Variants in PCSK7 observed in about 807,000 individuals in gnomAD.
The protein encoded by PCSK7 is proprotein convertase subtilisin/kexin type 7.
Under a neutral mutation model 73.3 loss-of-function variants are expected in PCSK7, and 38 were observed. That is an observed-to-expected ratio of 0.52 (90% confidence interval 0.40 to 0.68). PCSK7 has a LOEUF of 0.68. Ranked by LOEUF, PCSK7 falls within the 30% of genes least tolerant of loss-of-function variation. The pLI, the probability that PCSK7 is intolerant of heterozygous loss-of-function variation, is 0.00. For synonymous variants in PCSK7, 296 were observed against 383.8 expected (o/e 0.77, Z 2.68); for missense variants, 692 against 991.5 (o/e 0.70, Z 4.06).
chr11:117,223,397 T>C, intron 8 of PCSK7, 89 bp from the exon 9 acceptor site: 1 of 804,002 alleles, frequency 1.2e-6, no homozygotes, highest in Non-Finnish European at 2.2e-6. Context: ...GGAGTTACCA[T>C]CCTGGGGGGC....
chr11:117,230,576 A>G (rs1178419578), intron 1 of PCSK7, 108 bp from the exon 2 acceptor site: 1 of 152,242 alleles, frequency 6.6e-6, no homozygotes, highest in Non-Finnish European at 1.5e-5. Flanking sequence ...ATTAATTGTC[A>G]TTTCCAAAGA....
intron 12 of PCSK7, chr11:117,215,062 T>A (rs1420542495): frequency 6.6e-6 from 1 of 152,164 alleles, no homozygotes; most frequent in Non-Finnish European, 1.5e-5. Context: ...CATAACCTCC[T>A]GTCAGCGGGG....
intron 12 of PCSK7, chr11:117,210,615 C>G (rs1302139188): frequency 6.6e-6 from 1 of 152,126 alleles, no homozygotes; most frequent in African/African-American, 2.4e-5. Flanking sequence ...CCTCAGCCTC[C>G]GAAAGTGCTG....
intron 2 of PCSK7, chr11:117,230,070 A>T (rs2032585356): frequency 2.1e-6 from 1 of 474,200 alleles, no homozygotes; most frequent in Non-Finnish European, 3.7e-6. Context: ...CACTAACACC[A>T]GCGGATGGCC....
Position 117,204,362 on chromosome 11 carries a change from C to G in PCSK7, c.*1635G>C, listed in dbSNP as rs765543678. On this transcript the variant is annotated 3_prime_UTR_variant, in exon 17 of 17. Transcript: ENST00000320934. ...GACCTCGGCAGATCATCAGTTAGAGCGGAGAGGGCTAGCCCTGAGCCCGGC... is the reference window on the plus strand; with the variant it reads ...GACCTCGGCAGATCATCAGTTAGAGGGGAGAGGGCTAGCCCTGAGCCCGGC... 1 of 1,614,216 alleles carries G rather than the reference C, an allele frequency of 6.2e-7. No individual in the cohort carries two copies. Among genetic ancestry groups the G allele is most frequent in the Non-Finnish European group, 8.5e-7 (1 of 1,180,032 alleles).
rs181635759 is a variant in PCSK7, at chr11:117,219,530, C to T, written c.1323+61G>A. On this transcript the variant is annotated intron_variant, in intron 10 of 16. Coordinates refer to ENST00000320934, the MANE Select transcript of PCSK7 (RefSeq NM_004716.4). ...TGGGACATTGAGAATCTAAGGCCACCTGATACCCGAACTCTGGAGCAGGCT... is the reference window on the plus strand; with the variant it reads ...TGGGACATTGAGAATCTAAGGCCACTTGATACCCGAACTCTGGAGCAGGCT... 7.6e-5 allele frequency: 115 copies of T among 1,512,386 alleles called. No homozygotes were observed. In the Middle Eastern group the frequency reaches 1.2e-3, roughly 15 times the overall value. 93.7% of individuals were successfully genotyped at this position (1,512,386 alleles called of 1,614,324 possible).
chr11:117,228,721 C>A (rs538795303), intron 3 of PCSK7, among the ~76,000 whole-genome samples: 1 of 151,286 alleles, frequency 6.6e-6, no homozygotes, highest in Non-Finnish European at 1.5e-5. Context: ...CCCGGATTCA[C>A]GCCATTCTCC....
At chr11:117,210,871 G>A (rs1425027527) in intron 12 of PCSK7, 1 of 152,208 alleles carries the variant, frequency 6.6e-6, no homozygotes, top group Non-Finnish European at 1.5e-5. Context: ...AGGAGGTTGA[G>A]GCTGCAGTGA....
At chr11:117,206,925 T>C (rs1325123757) in intron 15 of PCSK7, 127 bp from the exon 16 acceptor site, 3 of 959,312 alleles carry the variant, frequency 3.1e-6, no homozygotes, top group African/African-American at 3.3e-5. Context: ...AGGCCCAGAC[T>C]GTGAGTTCCC....
rs759719489 is a variant in PCSK7, at chr11:117,219,650, C to T, written c.1264G>A (p.Val422Met). 1.9e-6 allele frequency: 3 copies of T among 1,612,742 alleles called. No homozygotes were observed. Among genetic ancestry groups the T allele is most frequent in the Non-Finnish European group, 2.5e-6 (3 of 1,179,534 alleles). The change falls in exon 10 of 17, where the codon GTG (valine) becomes ATG (methionine). Residue 422 changes from valine to methionine, a missense_variant. By Grantham distance (21) the Val-to-Met change is conservative. This residue lies in a region of PCSK7 where 574 missense variants were observed against 689.8 expected (regional missense o/e 0.83). Coordinates refer to ENST00000320934, the MANE Select transcript of PCSK7 (RefSeq NM_004716.4). Reference sequence around the variant, plus strand: ...TCACGCCACGTGAGGCAGGGCCGCACCTGCAGCATTAAGGCTATCATGCCA... The same window carrying T: ...TCACGCCACGTGAGGCAGGGCCGCATCTGCAGCATTAAGGCTATCATGCCA... ...AAGMIALMLQ[V>M]RPCLTWRDVQ... is the part of the protein sequence containing the mutation.
chr11:117,227,260 C>T lies in PCSK7; in HGVS notation c.666G>A (p.Val222=). The T allele has an allele frequency of 2.5e-6, 4 of 1,613,808 alleles. No individual in the cohort carries two copies. Among genetic ancestry groups the T allele is most frequent in the Non-Finnish European group, 3.4e-6 (4 of 1,179,764 alleles). Residue 222 remains valine (V), a synonymous_variant, in exon 5 of 17, where the codon GTG becomes GTA. Coordinates refer to ENST00000320934, the MANE Select transcript of PCSK7 (RefSeq NM_004716.4). ...GCGTGCCATGGTGGTTGCCATTCTC[C>T]ACATCCGGGTGGGGCATGGGGTCAG... ...NDPDPMPHPD[V]ENGNHHGTRC...
rs1488808024 is a variant in PCSK7 at position 117,206,268 on chromosome 11, T to C, written c.2087A>G (p.Asn696Ser). Residue 696 changes from asparagine to serine, a missense_variant, in exon 17 of 17, where the codon AAT (asparagine) becomes AGT (serine). This residue lies in a region of PCSK7 where 78 missense variants were observed against 102.6 expected (regional missense o/e 0.76). Coordinates refer to ENST00000320934, the MANE Select transcript of PCSK7 (RefSeq NM_004716.4). ...VYLSQRNVAS[N>S]QVCRSGPCHW... Reference sequence around the variant, plus strand: ...GCAGGGTCCACTCCTACAAACTTGATTGGAAGCCACATTCCTCTGGCTCAA... The same window carrying C: ...GCAGGGTCCACTCCTACAAACTTGACTGGAAGCCACATTCCTCTGGCTCAA... 9.9e-6 allele frequency: 16 copies of C among 1,614,026 alleles called. No homozygotes were observed. Among genetic ancestry groups the C allele is most frequent in the Non-Finnish European group, 4.2e-6 (5 of 1,180,024 alleles).
chr11:117,226,063 C>G lies in PCSK7; in HGVS notation c.770-42G>C, dbSNP rs777027548. On this transcript the variant is annotated intron_variant, in intron 5 of 16. Transcript: ENST00000320934. ...ACAGCAGCTCCTCACTAATGCTGGT[C>G]TCCTAGCCGGGGAACTGGGAGGTGG... 3.5e-6 allele frequency: 4 copies of G among 1,132,296 alleles called. No homozygotes were observed. In the South Asian group the frequency reaches 4.9e-5, roughly 14 times the overall value. 70.1% of individuals were successfully genotyped at this position (1,132,296 alleles called of 1,614,324 possible). A position where few individuals can be genotyped will look rare whatever the true frequency, so the allele number is the denominator to read the frequency against.
chr11:117,226,201 A>G, intron 5 of PCSK7, 180 bp from the exon 6 acceptor site: 4 of 588,634 alleles, frequency 6.8e-6, no homozygotes, highest in South Asian at 4.1e-5. Context: ...CAGTGGCATG[A>G]TCTCGGCTCA....
At chr11:117,219,370 G>A (rs2134312045) in intron 10 of PCSK7, 1 of 632,308 alleles carries the variant, frequency 1.6e-6, no homozygotes, top group East Asian at 2.8e-5. Context: ...TAGAGAAGGG[G>A]CCAGGAGGCA....
Position 117,205,138 on chromosome 11 carries a change from A to G in PCSK7, c.*859T>C, listed in dbSNP as rs2031291967. ...AAATTCAAGAAAATGTTGCTGTGAA[A>G]AGAGAAAAACAAATCTTAAGCATTA... is the stretch of plus-strand genomic sequence containing the variant. On this transcript the variant is annotated 3_prime_UTR_variant, in exon 17 of 17. Coordinates refer to ENST00000320934, the MANE Select transcript of PCSK7 (RefSeq NM_004716.4). The G allele has an allele frequency of 8.6e-6, 2 of 231,828 alleles. No individual in the cohort carries two copies. Among genetic ancestry groups the G allele is most frequent in the Non-Finnish European group, 1.7e-5 (2 of 116,984 alleles). 14.4% of individuals were successfully genotyped at this position (231,828 alleles called of 1,614,324 possible).
At chr11:117,219,312 G>C in intron 10 of PCSK7, 148 bp from the exon 11 acceptor site, 1 of 675,096 alleles carries the variant, frequency 1.5e-6, no homozygotes. Flanking sequence ...AGGCAAGCTG[G>C]GACAAAAGGT....
chr11:117,224,717 G>C lies in PCSK7; in HGVS notation c.899C>G (p.Pro300Arg), dbSNP rs768088259. The C allele has an allele frequency of 1.2e-6, 2 of 1,613,500 alleles. No homozygotes were observed. The highest frequency in any genetic ancestry group is 2.7e-5 in the African/African-American group (2 of 74,884). The change falls in exon 7 of 17, where the codon CCC (proline) becomes CGC (arginine). Residue 300 changes from proline (P) to arginine (R), a missense_variant. Physicochemically the swap from Pro to Arg is moderately radical, Grantham distance 103. Around this residue, in one of 6 missense-constraint regions of PCSK7, gnomAD observed 574 missense variants for 689.8 expected, o/e 0.83. Transcript: ENST00000320934. Reference sequence around the variant, plus strand: ...GCCAGTTACCTTTCCAAGCTGATGGGGGCCATCCACTGTCTTCCCATCGTC... The same window carrying C: ...GCCAGTTACCTTTCCAAGCTGATGGCGGCCATCCACTGTCTTCCCATCGTC... ...PDDDGKTVDG[P>R]HQLGKAALQH...
chr11:117,213,960 T>TC (rs1417016750), intron 12 of PCSK7: 38 of 127,686 alleles, frequency 3.0e-4, no homozygotes, highest in African/African-American at 9.6e-4. Context: ...CTTTTTCTTT[T>TC]TTTTTTTTTT....
Sources: gnomAD v4.1 joint callset for allele counts (sites outside exome capture counted in the v4.1 genomes callset) on GRCh38, gnomAD v4.1.1 for gene constraint, gnomAD v4.1.1 regional missense constraint, MANE v1.5 for transcripts, NCBI Gene and HGNC (gene_info 2026-07-23, HGNC 2026-07-21) for gene names.